Variants in TMPRSS15 observed in about 807,000 individuals in gnomAD.
TMPRSS15 encodes the protein transmembrane serine protease 15.
A neutral mutation model predicts 125.3 loss-of-function variants in TMPRSS15; 128 were observed. That is an observed-to-expected ratio of 1.02 (90% CI 0.89 to 1.18). The LOEUF (loss-of-function observed/expected upper bound fraction) is 1.18, where lower values mean the gene tolerates loss of function less well. Ranked by LOEUF, TMPRSS15 falls within the 50% of genes most tolerant of loss-of-function variation. The pLI is 0.00. For synonymous variants in TMPRSS15, 446 were observed against 423.2 expected, an observed-to-expected ratio of 1.05 and a Z score of -0.66; for missense variants, 1,283 against 1,212.7, an observed-to-expected ratio of 1.06 and a Z score of -0.86.
intron 18 of TMPRSS15, among the ~76,000 whole-genome samples, chr21:18,307,301 A>G (rs2075048299): frequency 6.6e-6 from 1 of 152,192 alleles, no homozygotes; most frequent in African/African-American, 2.4e-5. Context: ...GGGATGTACT[A>G]CTTGTGTTAC....
chr21:18,307,276 T>G (rs1035800353), intron 18 of TMPRSS15, among the ~76,000 whole-genome samples: 2 of 152,166 alleles, frequency 1.3e-5, no homozygotes, highest in Non-Finnish European at 2.9e-5. Flanking sequence ...TCAAAAATAT[T>G]GTATCTAAGG....
chr21:18,279,311 C>CTTTTTTTTTTTT lies in TMPRSS15; in HGVS notation c.2669-264_2669-253dup, dbSNP rs71189593. On this transcript the variant is annotated intron_variant, in intron 22 of 24. Transcript: ENST00000284885. ...GTCTTTTACTAGTCTCCTCGTTACT[C>CTTTTTTTTTTTT]TTTTTTTTTTTTTTTTTTTTTTTTT... Among the ~76,000 whole-genome samples the CTTTTTTTTTTTT allele has an allele frequency of 2.9e-4, 12 of 41,094 alleles. 4 individuals are homozygous for CTTTTTTTTTTTT. The highest frequency in any genetic ancestry group is 1.3e-3 in the Admixed American group (3 of 2,248). The allele number at this position is 41,094 out of a possible 152,430, so 27.0% of individuals were successfully genotyped here.
At chr21:18,369,100 A>T (rs2075766805) in intron 6 of TMPRSS15, among the ~76,000 whole-genome samples, 1 of 152,152 alleles carries the variant, frequency 6.6e-6, no homozygotes, top group Non-Finnish European at 1.5e-5. Context: ...AGAAAAAAAA[A>T]TCTAAGTAGA....
intron 16 of TMPRSS15, among the ~76,000 whole-genome samples, chr21:18,317,899 CATCCCATCCT>C (rs1300731911): frequency 5.1e-5 from 7 of 137,260 alleles, no homozygotes; most frequent in African/African-American, 1.9e-4. Flanking sequence ...CATCCCATCC[CATCCCATCCT>C]ATCCCAACCC....
intron 21 of TMPRSS15, among the ~76,000 whole-genome samples, chr21:18,293,961 C>G (rs1305142648): frequency 1.3e-5 from 2 of 152,102 alleles, no homozygotes; most frequent in African/African-American, 4.8e-5. Flanking sequence ...ATTTCACGCT[C>G]TTAAAAATGC....
chr21:18,385,513 A>G (rs936703367), intron 3 of TMPRSS15, among the ~76,000 whole-genome samples: 2 of 152,154 alleles, frequency 1.3e-5, no homozygotes, highest in African/African-American at 4.8e-5. Context: ...TATATCTAAT[A>G]AAAGAACAGC....
intron 21 of TMPRSS15, among the ~76,000 whole-genome samples, chr21:18,289,872 G>A (rs919926858): frequency 6.6e-6 from 1 of 152,152 alleles, no homozygotes; most frequent in African/African-American, 2.4e-5. Flanking sequence ...TTGGGTGATT[G>A]GAATGTTTTA....
chr21:18,280,582 A>AAAAAAAAAAAAAAAAC (rs2074682774), intron 22 of TMPRSS15, among the ~76,000 whole-genome samples: 1 of 138,532 alleles, frequency 7.2e-6, no homozygotes, highest in African/African-American at 3.3e-5. Flanking sequence ...TCTCAAAAAA[A>AAAAAAAAAAAAAAAAC]AAAAAAAAAA....
intron 1 of TMPRSS15, among the ~76,000 whole-genome samples, chr21:18,413,353 TTCCTTCCTTTCC>T (rs2076172129): frequency 7.1e-6 from 1 of 141,528 alleles, no homozygotes; most frequent in Non-Finnish European, 1.5e-5. Context: ...CCTTCCTTCC[TTCCTTCCTTTCC>T]TTCCTTCCTT....
At chr21:18,329,939 T>G (rs2075328562) in intron 14 of TMPRSS15, among the ~76,000 whole-genome samples, 1 of 152,146 alleles carries the variant, frequency 6.6e-6, no homozygotes, top group South Asian at 2.1e-4. Flanking sequence ...TTTCTGTCTT[T>G]ATTTTCTGCT....
intron 1 of TMPRSS15, among the ~76,000 whole-genome samples, chr21:18,454,762 G>A (rs1223569159): frequency 3.9e-5 from 6 of 152,150 alleles, no homozygotes; most frequent in Admixed American, 3.9e-4. Flanking sequence ...GATAATGCCT[G>A]TTCTCATTGG....
rs138106343 is a variant in TMPRSS15 at position 18,310,299 on chromosome 21, A to C, written c.2165+2646T>G. ...CTCTTTTCATAGATGACATGATCTT[A>C]TCTACAGAAAAACCTAAATACTCCA... is the stretch of plus-strand genomic sequence containing the variant. On this transcript the variant is annotated intron_variant, in intron 18 of 24. Coordinates refer to ENST00000284885, the MANE Select transcript of TMPRSS15 (RefSeq NM_002772.3). Among the ~76,000 whole-genome samples, 388 of 152,282 alleles carry C rather than the reference A, an allele frequency of 2.5e-3. 1 individual carries two copies. The highest frequency in any genetic ancestry group is 8.8e-3 in the African/African-American group (367 of 41,572).
At position 18,315,202 on chromosome 21, in the gene TMPRSS15, A is replaced by T. The variant is rs763786688; in HGVS notation, c.1976T>A (p.Val659Glu). 4 of 1,613,840 alleles carry T rather than the reference A, an allele frequency of 2.5e-6. No individual in the cohort carries two copies. The African/African-American group carries it at 5.3e-5, about 22-fold the overall frequency. The change falls in exon 17 of 25, where the codon GTG (valine) becomes GAG (glutamate). Residue 659 changes from valine (V) to glutamate (E), a missense_variant. By Grantham distance (121) the Val-to-Glu change is moderately radical. Transcript: ENST00000284885. Reference protein sequence around the residue: ...QCKNGECVPLVNLCDGHLHCE... With the variant: ...QCKNGECVPLENLCDGHLHCE... ...GTGCAGATGACCGTCACAGAGATTC[A>T]CCAGTGGAACACACTCTCCATTTTT...
intron 1 of TMPRSS15, among the ~76,000 whole-genome samples, chr21:18,416,450 T>C (rs2076180412): frequency 1.3e-5 from 2 of 152,056 alleles, no homozygotes; most frequent in African/African-American, 2.4e-5. Context: ...ATTATCCTTA[T>C]ATATCTTTTG....
intron 1 of TMPRSS15, among the ~76,000 whole-genome samples, chr21:18,474,007 G>A (rs531504866): frequency 1.3e-5 from 2 of 152,052 alleles, no homozygotes; most frequent in African/African-American, 4.8e-5. Flanking sequence ...ATAGACAGAT[G>A]GTATTAAACA....
At chr21:18,413,243 TTTC>T (rs2076170665) in intron 1 of TMPRSS15, among the ~76,000 whole-genome samples, 2 of 141,466 alleles carry the variant, frequency 1.4e-5, no homozygotes, top group Non-Finnish European at 3.1e-5. Context: ...TTTCTCTCTC[TTTC>T]TTCCTTCCTT....
At chr21:18,420,352 A>T (rs1418306431) in intron 1 of TMPRSS15, among the ~76,000 whole-genome samples, 3 of 152,138 alleles carry the variant, frequency 2.0e-5, no homozygotes, top group Non-Finnish European at 4.4e-5. Flanking sequence ...CTTCCTTATT[A>T]AGTAGCTAGG....
rs138666453 is a variant in TMPRSS15 at position 18,366,192 on chromosome 21, G to C, written c.665-944C>G. Among the ~76,000 whole-genome samples the C allele has an allele frequency of 3.5e-3, 531 of 152,252 alleles. 3 individuals carry two copies. The highest frequency in any genetic ancestry group is 0.012 in the African/African-American group (498 of 41,560). On this transcript the variant is annotated intron_variant, in intron 6 of 24. Transcript: ENST00000284885. Reference sequence around the variant, plus strand: ...ATTTTTATAATTAAATTGGAGCTAGGTGAATTTCAAATATATGTACAAAGT... The same window carrying C: ...ATTTTTATAATTAAATTGGAGCTAGCTGAATTTCAAATATATGTACAAAGT...
intron 3 of TMPRSS15, among the ~76,000 whole-genome samples, chr21:18,392,243 C>T (rs2123097609): frequency 6.6e-6 from 1 of 152,286 alleles, no homozygotes; most frequent in East Asian, 1.9e-4. Context: ...TTCTTTCTGC[C>T]ACATAGTTAG....
Sources: gnomAD v4.1 joint callset for allele counts (sites outside exome capture counted in the v4.1 genomes callset) on GRCh38, gnomAD v4.1.1 for gene constraint, MANE v1.5 for transcripts, NCBI Gene and HGNC (gene_info 2026-07-23, HGNC 2026-07-21) for gene names.